Variants in UPF3B observed in about 807,000 individuals in gnomAD.
UPF3B encodes the protein regulator of nonsense transcripts 3B.
In UPF3B, 7 loss-of-function variants were observed where a neutral mutation model predicts 40.3. The ratio of observed to expected loss-of-function variants is 0.17; its 90% CI spans 0.10 to 0.33. UPF3B has a LOEUF of 0.33. Among genes scored for constraint, UPF3B ranks in the 10% least tolerant of loss-of-function variants. UPF3B has a pLI of 1.00. For missense variants in UPF3B, 229 were observed against 358.9 expected, an observed-to-expected ratio of 0.64 and a Z score of 2.93; for synonymous variants, 117 against 117.3, an observed-to-expected ratio of 1.00 and a Z score of 0.01.
At position 119,852,868 on chromosome X, in the gene UPF3B, C is replaced by T; in HGVS notation, c.61G>A (p.Gly21Arg). The change falls in exon 1 of 11, where the codon GGG (glycine) becomes AGG (arginine). Residue 21 changes from glycine (G) to arginine (R), a missense_variant. Around this residue, in one of 3 missense-constraint regions of UPF3B, gnomAD observed 23 missense variants for 21.0 expected, o/e 1.10. Coordinates refer to ENST00000276201, the MANE Select transcript of UPF3B (RefSeq NM_080632.3). Reference sequence around the variant, plus strand: ...GTCCCACCACCGCTGCCTGTGGCCCCGGCGGGGGTTAACAGGGTTACTCGC... The same window carrying T: ...GTCCCACCACCGCTGCCTGTGGCCCTGGCGGGGGTTAACAGGGTTACTCGC... ...EKRVTLLTPA[G>R]ATGSGGGTSG... 1 of 1,212,336 alleles carries T rather than the reference C, an allele frequency of 8.2e-7. No homozygotes were observed. The highest frequency in any genetic ancestry group is 1.1e-6 in the Non-Finnish European group (1 of 895,616).
intron 8 of UPF3B, among the ~76,000 whole-genome samples, chrX:119,840,369 A>T (rs1347133016): frequency 8.9e-6 from 1 of 111,844 alleles, no homozygotes; most frequent in Non-Finnish European, 1.9e-5. Context: ...TGAGAAGCAT[A>T]TAAGAAGATG....
chrX:119,835,751 G>C (rs778054055), intron 10 of UPF3B, among the ~76,000 whole-genome samples: 1 of 111,654 alleles, frequency 9.0e-6, no homozygotes, highest in South Asian at 3.7e-4. Flanking sequence ...TACTTTGAGG[G>C]GATCGGCTGA....
chrX:119,820,714 C>T (rs1353675691), intron 4 of UPF3B, among the ~76,000 whole-genome samples: 2 of 110,089 alleles, frequency 1.8e-5, no homozygotes, highest in Non-Finnish European at 3.8e-5. Context: ...GGTGATCCAA[C>T]CGCCTCAGCC....
chrX:119,844,193 G>A (rs1339914591), intron 4 of UPF3B, among the ~76,000 whole-genome samples: 1 of 110,734 alleles, frequency 9.0e-6, no homozygotes, highest in East Asian at 2.8e-4. Context: ...TGGGATTACA[G>A]GTGCCCGCCA....
At chrX:119,846,505 TAAAAAAAAAAA>T (rs780880120) in intron 3 of UPF3B, among the ~76,000 whole-genome samples, 1 of 58,092 alleles carries the variant, frequency 1.7e-5, no homozygotes, top group Non-Finnish European at 3.7e-5. Context: ...TCGAGCCTGG[TAAAAAAAAAAA>T]AAAAAAAAGA....
intron 5 of UPF3B, among the ~76,000 whole-genome samples, chrX:119,814,193 G>A (rs1284195546): frequency 9.0e-6 from 1 of 111,436 alleles, no homozygotes; most frequent in African/African-American, 3.3e-5. Context: ...AATAGACATC[G>A]GTGCAGTTTC....
At chrX:119,833,788 G>C (rs1234734681), downstream of UPF3B, among the ~76,000 whole-genome samples, 1 of 112,329 alleles carries the variant, frequency 8.9e-6, no homozygotes, top group Non-Finnish European at 1.9e-5. Context: ...TTACAGGCGT[G>C]AGCCACTGCA....
chrX:119,841,953 G>C (rs972963169), intron 5 of UPF3B, among the ~76,000 whole-genome samples, 175 bp from the exon 6 acceptor site: 1 of 111,243 alleles, frequency 9.0e-6, no homozygotes, highest in African/African-American at 3.3e-5. Flanking sequence ...CAACAATACG[G>C]GATTAAAATA....
At chrX:119,824,651 T>C (rs1433777373) in intron 3 of UPF3B, among the ~76,000 whole-genome samples, 2 of 111,755 alleles carry the variant, frequency 1.8e-5, no homozygotes, top group Non-Finnish European at 3.8e-5. Context: ...TTGTTGTCTC[T>C]TTCTCGTGGG....
chrX:119,833,535 C>T (rs149258426), downstream of UPF3B, among the ~76,000 whole-genome samples: 1,081 of 111,108 alleles, frequency 9.7e-3, 2 homozygotes, highest in Non-Finnish European at 0.016. Flanking sequence ...GAGATGGGGT[C>T]TTGCTCTGTT....
At position 119,842,578 on chromosome X, in the gene UPF3B, T is replaced by A. The variant is rs1050755220; in HGVS notation, c.580+613A>T. Among the ~76,000 whole-genome samples, 419 of 61,977 alleles carry A rather than the reference T, an allele frequency of 6.8e-3. 3 individuals carry two copies. Among genetic ancestry groups the A allele is most frequent in the African/African-American group, 0.039 (391 of 9,956 alleles). The allele number at this position is 61,977 out of a possible 115,157, so 53.8% of individuals were successfully genotyped here. On this transcript the variant is annotated intron_variant, in intron 5 of 10. Transcript: ENST00000276201. ...CTGGGCGACAGAGCAAGACTCCATC[T>A]CTCACACACACACACACACACACAC...
intron 10 of UPF3B, among the ~76,000 whole-genome samples, chrX:119,836,838 G>T (rs2056099640): frequency 9.2e-6 from 1 of 108,484 alleles, no homozygotes; most frequent in Non-Finnish European, 1.9e-5. Context: ...TTTTAGTAGA[G>T]ATGGGGTTTC....
At chrX:119,839,581 T>A (rs770003216) in intron 8 of UPF3B, among the ~76,000 whole-genome samples, 36 of 111,899 alleles carry the variant, frequency 3.2e-4, no homozygotes, top group African/African-American at 1.1e-3. Context: ...AGTCTCAGAG[T>A]GAAGGTATCA....
intron 5 of UPF3B, among the ~76,000 whole-genome samples, chrX:119,812,778 G>A (rs1478736127): frequency 9.0e-6 from 1 of 111,447 alleles, no homozygotes; most frequent in Non-Finnish European, 1.9e-5. Flanking sequence ...CACCTAAAAA[G>A]AGATGAATTC....
rs746427299 is a variant in UPF3B, at chrX:119,840,832, T to A, written c.808-148A>T. ...GACAATAGTCTAAAAATCCAACATT[T>A]TCAATGACAAAAACAGCACAGATCT... is the stretch of plus-strand genomic sequence containing the variant. On this transcript the variant is annotated intron_variant, in intron 7 of 10. Coordinates refer to ENST00000276201, the MANE Select transcript of UPF3B (RefSeq NM_080632.3). The A allele has an allele frequency of 2.4e-5, 15 of 624,346 alleles. No individual in the cohort carries two copies. In the South Asian group the frequency reaches 3.8e-4, roughly 16 times the overall value. 51.5% of individuals were successfully genotyped at this position (624,346 alleles called of 1,213,427 possible).
rs757496946 is a variant in UPF3B, at chrX:119,840,595, T to C, written c.846+51A>G. 5 of 1,125,487 alleles carry C rather than the reference T, an allele frequency of 4.4e-6. No homozygotes were observed. The Admixed American group carries it at 1.1e-4, about 25-fold the overall frequency. 92.8% of individuals were successfully genotyped at this position (1,125,487 alleles called of 1,213,427 possible). The stretch of plus-strand genomic sequence containing the variant: ...CCAAAAGGACTTATTAGCTAAGACC[T>C]GTGTGTGTGACATGATACTAGATGC... On this transcript the variant is annotated intron_variant, in intron 8 of 10. Coordinates refer to ENST00000276201, the MANE Select transcript of UPF3B (RefSeq NM_080632.3).
At chrX:119,842,580 T>TCACACACACACACACA (rs773370806) in intron 5 of UPF3B, among the ~76,000 whole-genome samples, 3 of 71,461 alleles carry the variant, frequency 4.2e-5, no homozygotes, top group East Asian at 5.6e-4. Context: ...ACTCCATCTC[T>TCACACACACACACACA]CACACACACA....
downstream of UPF3B, among the ~76,000 whole-genome samples, chrX:119,831,311 T>TC (rs1259889183): frequency 9.4e-6 from 1 of 106,403 alleles, no homozygotes; most frequent in Non-Finnish European, 1.9e-5. Flanking sequence ...CACACACCTC[T>TC]CCTCCTCCTT....
intron 3 of UPF3B, among the ~76,000 whole-genome samples, chrX:119,851,281 G>A (rs1028020954): frequency 2.7e-5 from 3 of 111,689 alleles, no homozygotes; most frequent in Non-Finnish European, 5.6e-5. Context: ...TGTCACACGA[G>A]GAGAAAACAG....
Sources: allele counts gnomAD v4.1 joint callset (sites outside exome capture counted in the v4.1 genomes callset), GRCh38; gene constraint gnomAD v4.1.1; regional missense constraint gnomAD v4.1.1; transcripts MANE v1.5; gene names NCBI Gene and HGNC (gene_info 2026-07-23, HGNC 2026-07-21).